Variants in HDAC9 observed in about 807,000 individuals in gnomAD.
The protein encoded by HDAC9 is histone deacetylase 9, also known as MEF-2 interacting transcription repressor (MITR) protein.
HDAC9 carries 41 observed loss-of-function variants against 139.4 expected under a neutral mutation model. The observed-to-expected ratio is 0.29, with a 90% CI of 0.23 to 0.38. The LOEUF is 0.38. Ranked by LOEUF, HDAC9 falls within the 10% of genes least tolerant of loss-of-function variation. The pLI is 1.00. For missense variants in HDAC9, 1,147 were observed against 1,297.0 expected (o/e 0.88, Z 1.78); for synonymous variants, 517 against 476.2 (o/e 1.09, Z -1.12).
At chr7:18,096,223 TG>T (rs1202353549) in intron 1 of HDAC9, among the ~76,000 whole-genome samples, 2 of 152,350 alleles carry the variant, frequency 1.3e-5, no homozygotes, top group East Asian at 3.9e-4. Context: ...ACACTCATGA[TG>T]ATTATAACCT....
intron 14 of HDAC9, among the ~76,000 whole-genome samples, chr7:18,761,588 A>G (rs1294452780): frequency 3.3e-5 from 5 of 152,210 alleles, no homozygotes; most frequent in Non-Finnish European, 7.4e-5. Context: ...TGACCTCACT[A>G]CAGACCATTA....
Position 18,762,146 on chromosome 7 carries a change from T to C in HDAC9, c.2044-11T>C. The stretch of plus-strand genomic sequence containing the variant: ...AGTGGTGTACTGTTGGCTTCTGCTA[T>C]TTTCTTGCAGCGAATTCAAGGTCGA... On this transcript the variant is annotated splice_polypyrimidine_tract_variant and intron_variant, in intron 14 of 25. Transcript: ENST00000686413. The C allele has an allele frequency of 1.2e-6, 2 of 1,613,384 alleles. No homozygotes were observed. Among genetic ancestry groups the C allele is most frequent in the South Asian group, 2.2e-5 (2 of 91,062 alleles).
chr7:18,400,129 A>G (rs1452982018), intron 1 of HDAC9, among the ~76,000 whole-genome samples: 2 of 152,212 alleles, frequency 1.3e-5, no homozygotes, highest in African/African-American at 4.8e-5. Context: ...AGCTGACAAC[A>G]TTAGATGGAA....
rs1418135311 is a variant in HDAC9 at position 18,667,552 on chromosome 7, T to A, written c.1731+1076T>A. On this transcript the variant is annotated intron_variant, in intron 12 of 25. Transcript: ENST00000686413. ...TGATGCTATAAAATACAAACAACTT[T>A]GAAGGCAACAGAAGACACTGTTTAT... The A allele has an allele frequency of 4.1e-6, 4 of 985,178 alleles. No homozygotes were observed. In the South Asian group the frequency reaches 1.4e-4, roughly 35 times the overall value. The allele number at this position is 985,178 out of a possible 1,614,324, so 61.0% of individuals were successfully genotyped here. A position where few individuals can be genotyped will look rare whatever the true frequency, so the allele number is the denominator to read the frequency against.
intron 2 of HDAC9, among the ~76,000 whole-genome samples, chr7:18,269,067 G>T (rs1796181693): frequency 6.6e-6 from 1 of 152,108 alleles, no homozygotes; most frequent in African/African-American, 2.4e-5. Flanking sequence ...TGATGAGTTT[G>T]CTGCCCTTTG....
intron 12 of HDAC9, 54 bp from the exon 13 acceptor site, chr7:18,727,526 T>A: frequency 7.0e-7 from 1 of 1,438,510 alleles, no homozygotes; most frequent in Non-Finnish European, 9.4e-7. Flanking sequence ...GCTCAGTGTC[T>A]CCCTCAATCC....
chr7:18,121,559 A>C (rs75398473), intron 1 of HDAC9, among the ~76,000 whole-genome samples: 13 of 149,842 alleles, frequency 8.7e-5, no homozygotes, highest in Non-Finnish European at 1.5e-4. Context: ...AAAAAAAAAA[A>C]CCATTGAAAT....
intron 1 of HDAC9, among the ~76,000 whole-genome samples, chr7:18,471,570 G>A (rs982937951): frequency 1.3e-5 from 2 of 152,132 alleles, no homozygotes; most frequent in Non-Finnish European, 2.9e-5. Flanking sequence ...TATCTATTAG[G>A]AAAATGGGTT....
At chr7:18,360,992 G>C (rs952575675) in intron 1 of HDAC9, among the ~76,000 whole-genome samples, 6 of 152,110 alleles carry the variant, frequency 3.9e-5, no homozygotes, top group African/African-American at 1.4e-4. Context: ...CAGTTAAGGG[G>C]CAAATTTTCA....
intron 2 of HDAC9, among the ~76,000 whole-genome samples, chr7:18,217,662 T>A (rs544691230): frequency 6.6e-6 from 1 of 152,342 alleles, no homozygotes; most frequent in South Asian, 2.1e-4. Context: ...CTGGAATTAA[T>A]CTTAAAAATC....
At chr7:18,571,495 C>T (rs528007121) in intron 2 of HDAC9, among the ~76,000 whole-genome samples, 40 of 152,110 alleles carry the variant, frequency 2.6e-4, no homozygotes, top group African/African-American at 8.7e-4. Context: ...TGGAACTGTT[C>T]GTAAGATTTT....
At chr7:18,981,459 T>TCTAA (rs1157727034) in intron 25 of HDAC9, among the ~76,000 whole-genome samples, 4 of 152,062 alleles carry the variant, frequency 2.6e-5, no homozygotes, top group African/African-American at 9.7e-5. Flanking sequence ...CAGTCAGAAA[T>TCTAA]CTAACTAACC....
At chr7:18,737,614 G>C (rs1239811790) in intron 13 of HDAC9, among the ~76,000 whole-genome samples, 1 of 152,120 alleles carries the variant, frequency 6.6e-6, no homozygotes, top group Non-Finnish European at 1.5e-5. Flanking sequence ...TTGCACTGTT[G>C]TCTGACAAAC....
intron 2 of HDAC9, among the ~76,000 whole-genome samples, chr7:18,274,566 G>C (rs1269229602): frequency 1.3e-5 from 2 of 152,078 alleles, no homozygotes; most frequent in African/African-American, 4.8e-5. Flanking sequence ...CCACATCAGA[G>C]ACCAAATTTC....
intron 22 of HDAC9, among the ~76,000 whole-genome samples, chr7:18,896,444 A>T (rs556954656): frequency 6.6e-6 from 1 of 152,202 alleles, no homozygotes; most frequent in South Asian, 2.1e-4. Context: ...ATTAAGTGCC[A>T]CTGAATGTCT....
chr7:18,887,444 T>G (rs1800261631), intron 22 of HDAC9, among the ~76,000 whole-genome samples: 1 of 152,230 alleles, frequency 6.6e-6, no homozygotes, highest in African/African-American at 2.4e-5. Context: ...ACTAACTTCT[T>G]TTTTTGTGTC....
chr7:18,732,928 T>TGC lies in HDAC9; in HGVS notation c.1909+5172_1909+5173insCG, dbSNP rs778722940. Among the ~76,000 whole-genome samples the TGC allele has an allele frequency of 3.9e-3, 474 of 122,822 alleles. 66 individuals carry two copies. The highest frequency in any genetic ancestry group is 5.7e-3 in the Non-Finnish European group (340 of 59,616). 80.6% of individuals were successfully genotyped at this position (122,822 alleles called of 152,430 possible). On this transcript the variant is annotated intron_variant, in intron 13 of 25. Coordinates refer to ENST00000686413, the MANE Select transcript of HDAC9 (RefSeq NM_178425.4). ...GTGTGCGTATGTGTATACACACGTG[T>TGC]GTATGTATGTGTATACACACGTGTA...
intron 1 of HDAC9, among the ~76,000 whole-genome samples, chr7:18,123,750 G>A (rs1242918246): frequency 6.6e-6 from 1 of 152,154 alleles, no homozygotes; most frequent in Non-Finnish European, 1.5e-5. Context: ...GATTCAACAT[G>A]CTTTTGGCTA....
rs770067595 is a variant in HDAC9 at position 18,275,528 on chromosome 7, G to A, written c.25+113179G>A. ...CAAAGTCTTAAAAGGCCTCAAAGGCGCTGTGTGGTATGGTCCTTGCCATCT... is the reference window on the plus strand; with the variant it reads ...CAAAGTCTTAAAAGGCCTCAAAGGCACTGTGTGGTATGGTCCTTGCCATCT... On this transcript the variant is annotated intron_variant, in intron 2 of 12. Transcript: ENST00000417496. Among the ~76,000 whole-genome samples, 4 of 152,242 alleles carry A rather than the reference G, an allele frequency of 2.6e-5. 1 individual carries two copies. The highest frequency in any genetic ancestry group is 3.4e-3 in the Middle Eastern group (1 of 294).
Sources: allele counts gnomAD v4.1 joint callset (sites outside exome capture counted in the v4.1 genomes callset), GRCh38; gene constraint gnomAD v4.1.1; transcripts MANE v1.5; gene names NCBI Gene and HGNC (gene_info 2026-07-23, HGNC 2026-07-21).